IPMK: variants seen among roughly 807,000 people sequenced by gnomAD.
The protein encoded by IPMK is inositol polyphosphate multikinase, also known as inositol 1,3,4,6-tetrakisphosphate 5-kinase.
A neutral mutation model predicts 45.8 loss-of-function variants in IPMK; 17 were observed. The observed-to-expected ratio is 0.37, with a 90% CI of 0.25 to 0.56. The LOEUF (loss-of-function observed/expected upper bound fraction) is 0.56, where lower values mean the gene tolerates loss of function less well. Among genes scored for constraint, IPMK ranks in the 20% least tolerant of loss-of-function variants. The probability of loss-of-function intolerance (pLI) is 0.79; values close to 1 mark genes in which losing one functional copy is unlikely to be tolerated. For missense variants in IPMK, 399 were observed against 498.0 expected (o/e 0.80, Z 1.89); for synonymous variants, 180 against 184.3 (o/e 0.98, Z 0.19).
At chr10:58,233,924 G>A (rs187944039) in intron 2 of IPMK, among the ~76,000 whole-genome samples, 231 of 152,214 alleles carry the variant, frequency 1.5e-3, no homozygotes, top group Middle Eastern at 0.01. Context: ...AAACCCCATC[G>A]TCTCAGCCCA....
chr10:58,238,829 G>GA (rs1426165618), intron 1 of IPMK, among the ~76,000 whole-genome samples: 2 of 151,054 alleles, frequency 1.3e-5, no homozygotes, highest in African/African-American at 4.9e-5. Context: ...AAGAGATACA[G>GA]AAATCAAGTT....
intron 4 of IPMK, among the ~76,000 whole-genome samples, chr10:58,208,592 ACT>A (rs1340763217): frequency 6.6e-6 from 1 of 151,756 alleles, no homozygotes; most frequent in African/African-American, 2.4e-5. Flanking sequence ...AGGGATAAAG[ACT>A]CTGTATGAGT....
chr10:58,263,903 A>G (rs1486242068), intron 1 of IPMK, among the ~76,000 whole-genome samples: 5 of 152,218 alleles, frequency 3.3e-5, no homozygotes, highest in African/African-American at 1.2e-4. Flanking sequence ...CAAAATGACA[A>G]TGTCATAAAG....
At position 58,193,976 on chromosome 10, in the gene IPMK, T is replaced by A. The variant is rs920196168; in HGVS notation, c.*2100A>T. On this transcript the variant is annotated 3_prime_UTR_variant, in exon 6 of 6. Transcript: ENST00000373935. ...CAGAATTAAATGTTAATCCCTTCCCTGAAAAACAACAGATAAAAGGGCTTC... is the reference window on the plus strand; with the variant it reads ...CAGAATTAAATGTTAATCCCTTCCCAGAAAAACAACAGATAAAAGGGCTTC... The A allele has an allele frequency of 3.3e-5, 5 of 151,814 alleles. No individual in the cohort carries two copies. The highest frequency in any genetic ancestry group is 1.2e-4 in the African/African-American group (5 of 41,430). The allele number at this position is 151,814 out of a possible 1,614,324, so 9.4% of individuals were successfully genotyped here.
Position 58,194,366 on chromosome 10 carries a change from T to C in IPMK, c.*1710A>G, listed in dbSNP as rs867505378. 1 of 151,858 alleles carries C rather than the reference T, an allele frequency of 6.6e-6. No individual in the cohort carries two copies. Among genetic ancestry groups the C allele is most frequent in the East Asian group, 1.9e-4 (1 of 5,196 alleles). 9.4% of individuals were successfully genotyped at this position (151,858 alleles called of 1,614,324 possible). ...TCATTCCCGTTAAAACATAAAACTA[T>C]AGCCAATATCCATTCAAAAAGTGAA... On this transcript the variant is annotated 3_prime_UTR_variant, in exon 6 of 6. Coordinates refer to ENST00000373935, the MANE Select transcript of IPMK (RefSeq NM_152230.5).
chr10:58,245,648 G>A (rs1039900911), intron 1 of IPMK, among the ~76,000 whole-genome samples: 5 of 151,148 alleles, frequency 3.3e-5, no homozygotes, highest in African/African-American at 7.3e-5. Flanking sequence ...CCAGAGAGAC[G>A]TATCTCAAAA....
intron 1 of IPMK, among the ~76,000 whole-genome samples, chr10:58,238,839 TTG>T (rs754230369): frequency 0.067 from 10,093 of 150,876 alleles, 411 homozygotes; most frequent in Non-Finnish European, 0.089. Flanking sequence ...GAAATCAAGT[TTG>T]TTTTTTGTTT....
At chr10:58,243,494 C>T (rs1331896976) in intron 1 of IPMK, among the ~76,000 whole-genome samples, 3 of 152,178 alleles carry the variant, frequency 2.0e-5, no homozygotes, top group Non-Finnish European at 4.4e-5. Context: ...CTCGGCCTGC[C>T]GAGTGCCTGT....
chr10:58,252,890 G>A (rs1222643383), intron 1 of IPMK, among the ~76,000 whole-genome samples: 1 of 151,996 alleles, frequency 6.6e-6, no homozygotes, highest in Non-Finnish European at 1.5e-5. Context: ...AGGATTACAG[G>A]CATGAGCCAC....
chr10:58,219,740 T>C (rs1184436679), intron 3 of IPMK, among the ~76,000 whole-genome samples: 2 of 152,200 alleles, frequency 1.3e-5, no homozygotes, highest in Admixed American at 6.5e-5. Context: ...AAAGAGAATA[T>C]ATGAGACTAT....
intron 5 of IPMK, among the ~76,000 whole-genome samples, chr10:58,198,398 T>C (rs1345398046): frequency 1.3e-5 from 2 of 152,202 alleles, no homozygotes; most frequent in African/African-American, 4.8e-5. Flanking sequence ...AAATAACTTG[T>C]TCCCCCAATT....
At chr10:58,221,869 C>G (rs942626199) in intron 3 of IPMK, among the ~76,000 whole-genome samples, 1 of 152,142 alleles carries the variant, frequency 6.6e-6, no homozygotes, top group Non-Finnish European at 1.5e-5. Flanking sequence ...CTGCCTCAGC[C>G]TCCTGAGTAG....
rs1478947500 is a variant in IPMK at position 58,193,483 on chromosome 10, A to C, written c.*2593T>G. On this transcript the variant is annotated 3_prime_UTR_variant, in exon 6 of 6. Coordinates refer to ENST00000373935, the MANE Select transcript of IPMK (RefSeq NM_152230.5). ...TATTTAGATAAAATATTTAGCATTT[A>C]TCATTGATTTTAATTTATTTGAATC... 1 of 151,872 alleles carries C rather than the reference A, an allele frequency of 6.6e-6. No individual in the cohort carries two copies. Among genetic ancestry groups the C allele is most frequent in the African/African-American group, 2.4e-5 (1 of 41,430 alleles). The allele number at this position is 151,872 out of a possible 1,614,324, so 9.4% of individuals were successfully genotyped here.
chr10:58,231,870 G>A (rs1473022863), intron 2 of IPMK, among the ~76,000 whole-genome samples: 2 of 152,134 alleles, frequency 1.3e-5, no homozygotes, highest in African/African-American at 4.8e-5. Context: ...CCAATTAAAA[G>A]ACACAGACTG....
chr10:58,255,609 C>T (rs772510640), intron 1 of IPMK, among the ~76,000 whole-genome samples: 2 of 151,986 alleles, frequency 1.3e-5, no homozygotes, highest in African/African-American at 4.8e-5. Context: ...TTCTATTCTG[C>T]CATCTTGATG....
intron 1 of IPMK, among the ~76,000 whole-genome samples, chr10:58,252,460 T>C (rs527865532): frequency 1.1e-4 from 17 of 151,968 alleles, no homozygotes; most frequent in African/African-American, 3.9e-4. Context: ...TTTTAAGGTT[T>C]ACTTTTAGGT....
chr10:58,211,746 TAA>T (rs143924439), intron 4 of IPMK, among the ~76,000 whole-genome samples: 43,985 of 129,500 alleles, frequency 0.34, 8,708 homozygotes, highest in African/African-American at 0.59. Flanking sequence ...TCATCTGTAC[TAA>T]AAAAAAAAAA....
In IPMK at chr10:58,210,737, T is replaced by C. The variant is rs570527616; in HGVS notation, c.546+5408A>G. ...TCCAACTGTGATCTGGATTCTCAGA[T>C]TCACTCAGGGGGTATGTGTTCGAAG... On this transcript the variant is annotated intron_variant, in intron 4 of 5. Transcript: ENST00000373935. Among the ~76,000 whole-genome samples the C allele has an allele frequency of 2.6e-4, 40 of 152,350 alleles. 1 individual carries two copies. The highest frequency in any genetic ancestry group is 2.5e-3 in the Admixed American group (38 of 15,300).
chr10:58,244,890 G>A (rs1159841389), intron 1 of IPMK, among the ~76,000 whole-genome samples: 1 of 151,932 alleles, frequency 6.6e-6, no homozygotes, highest in African/African-American at 2.4e-5. Flanking sequence ...AAGTACCCAG[G>A]GACACAAACA....
Sources: allele counts gnomAD v4.1 joint callset (sites outside exome capture counted in the v4.1 genomes callset), GRCh38; gene constraint gnomAD v4.1.1; transcripts MANE v1.5; gene names NCBI Gene and HGNC (gene_info 2026-07-23, HGNC 2026-07-21).